Variants in CNTN5 observed in about 807,000 individuals in gnomAD.
The protein encoded by CNTN5 is contactin 5.
CNTN5 carries 77 observed loss-of-function variants against 129.1 expected under a neutral mutation model. The observed-to-expected ratio is 0.60, with a 90% confidence interval of 0.50 to 0.72. The LOEUF is 0.72. Ranked by LOEUF, CNTN5 falls within the 30% of genes least tolerant of loss-of-function variation. The probability of loss-of-function intolerance (pLI) is 0.00; values close to 1 mark genes in which losing one functional copy is unlikely to be tolerated. For missense variants in CNTN5, 1,478 were observed against 1,328.8 expected (o/e 1.11, Z -1.75); for synonymous variants, 509 against 465.6 (o/e 1.09, Z -1.20).
intron 3 of CNTN5, among the ~76,000 whole-genome samples, chr11:99,703,300 G>A (rs1411324557): frequency 6.9e-6 from 1 of 143,996 alleles, no homozygotes; most frequent in East Asian, 2.1e-4. Context: ...AAGCCATACT[G>A]ATGCAGATTA....
intron 7 of CNTN5, among the ~76,000 whole-genome samples, chr11:99,933,874 T>C (rs1420937751): frequency 1.3e-5 from 2 of 152,222 alleles, no homozygotes; most frequent in Admixed American, 6.5e-5. Context: ...GGGATTAGTA[T>C]ATAAATCTTC....
chr11:99,523,273 T>C (rs1324875341), intron 2 of CNTN5, among the ~76,000 whole-genome samples: 4 of 152,184 alleles, frequency 2.6e-5, no homozygotes, highest in Non-Finnish European at 5.9e-5. Context: ...AACATACTGG[T>C]ACAGTAAATT....
chr11:99,952,514 AAAAC>A (rs760415742), intron 7 of CNTN5, among the ~76,000 whole-genome samples: 36 of 152,286 alleles, frequency 2.4e-4, no homozygotes, highest in Admixed American at 1.1e-3. Flanking sequence ...AACTATTTAA[AAAAC>A]AAACTAAAAG....
rs1419676824 is a variant in CNTN5, at chr11:99,316,472, TCTAGGTAATGATCGCTGAGACTC to T, written c.-209-8873_-209-8851del. ...AATGACAATTTTTTTCTACAGTATATCTAGGTAATGATCGCTGAGACTCATAGAGTGATGAAAATAAACATTTA... is the reference window on the plus strand; with the variant it reads ...AATGACAATTTTTTTCTACAGTATATATAGAGTGATGAAAATAAACATTTA... On this transcript the variant is annotated intron_variant, in intron 1 of 24. Transcript: ENST00000524871. 2.2e-4 allele frequency among the ~76,000 whole-genome samples: 34 copies of T among 152,270 alleles called. No individual in the cohort carries two copies. In the East Asian group the frequency reaches 6.6e-3, roughly 29 times the overall value.
At chr11:99,600,030 G>C (rs373274796) in intron 3 of CNTN5, among the ~76,000 whole-genome samples, 1 of 152,112 alleles carries the variant, frequency 6.6e-6, no homozygotes, top group South Asian at 2.1e-4. Context: ...AGGATGAAGA[G>C]AAATGAGTTT....
rs201066323 is a variant in CNTN5 at position 99,831,983 on chromosome 11, C to T, written c.277+12218C>T. ...TTGTTGTCAACTTCCAATGGCCAAC[C>T]ACTGAGTTCCTTATCTTCAAGTTCC... On this transcript the variant is annotated intron_variant, in intron 4 of 24. Transcript: ENST00000524871. 4.6e-5 allele frequency among the ~76,000 whole-genome samples: 7 copies of T among 152,060 alleles called. No individual in the cohort carries two copies. In the East Asian group the frequency reaches 9.7e-4, roughly 21 times the overall value.
intron 9 of CNTN5, among the ~76,000 whole-genome samples, chr11:100,015,201 G>T (rs1312027150): frequency 6.6e-6 from 1 of 152,104 alleles, no homozygotes; most frequent in Non-Finnish European, 1.5e-5. Flanking sequence ...GACTAAACAT[G>T]TCTAGGCATT....
chr11:100,153,609 C>T (rs949860655), intron 13 of CNTN5, among the ~76,000 whole-genome samples: 40 of 152,070 alleles, frequency 2.6e-4, no homozygotes, highest in African/African-American at 8.9e-4. Flanking sequence ...AATCAAATGG[C>T]GTGAATACTA....
intron 13 of CNTN5, among the ~76,000 whole-genome samples, chr11:100,181,952 C>G (rs1232910173): frequency 6.6e-6 from 1 of 151,936 alleles, no homozygotes; most frequent in Admixed American, 6.6e-5. Flanking sequence ...TAGAAACTGA[C>G]AAGCTAATTC....
intron 3 of CNTN5, among the ~76,000 whole-genome samples, chr11:99,671,745 G>A (rs1323789366): frequency 1.3e-5 from 2 of 151,914 alleles, no homozygotes; most frequent in Non-Finnish European, 1.5e-5. Context: ...TACATTTTTT[G>A]AATAAAAATA....
At chr11:99,871,504 CATG>C (rs1220582119) in intron 6 of CNTN5, among the ~76,000 whole-genome samples, 1 of 151,912 alleles carries the variant, frequency 6.6e-6, no homozygotes, top group African/African-American at 2.4e-5. Flanking sequence ...TAATTTGGAT[CATG>C]ATGATAACAA....
chr11:99,136,928 A>G (rs891377834), intron 1 of CNTN5, among the ~76,000 whole-genome samples: 2 of 152,136 alleles, frequency 1.3e-5, no homozygotes, highest in African/African-American at 4.8e-5. Flanking sequence ...AACATAATTT[A>G]TGTTTAATTT....
chr11:99,071,038 C>T (rs181764872), intron 1 of CNTN5, among the ~76,000 whole-genome samples: 1 of 152,180 alleles, frequency 6.6e-6, no homozygotes, highest in African/African-American at 2.4e-5. Context: ...TGTTGCTGAC[C>T]TTGAAATACT....
chr11:100,296,886 T>C (rs1185737448), intron 18 of CNTN5, among the ~76,000 whole-genome samples: 1 of 151,584 alleles, frequency 6.6e-6, no homozygotes, highest in East Asian at 1.9e-4. Flanking sequence ...AAATTGTTAA[T>C]GCAGGCTCAT....
At chr11:100,215,326 A>C (rs958267074) in intron 15 of CNTN5, among the ~76,000 whole-genome samples, 6 of 152,200 alleles carry the variant, frequency 3.9e-5, no homozygotes, top group African/African-American at 1.4e-4. Context: ...AAAGTTACCA[A>C]GGCCAGTCCA....
At chr11:99,053,528 G>T (rs544698861) in intron 1 of CNTN5, among the ~76,000 whole-genome samples, 7 of 151,652 alleles carry the variant, frequency 4.6e-5, no homozygotes, top group South Asian at 2.1e-4. Context: ...TGGGATCCCT[G>T]GTCTATAGAT....
chr11:99,532,109 G>T (rs1490267414), intron 2 of CNTN5, among the ~76,000 whole-genome samples: 1 of 151,954 alleles, frequency 6.6e-6, no homozygotes, highest in Non-Finnish European at 1.5e-5. Flanking sequence ...AGCCAGAAGG[G>T]AGGCTATACC....
intron 3 of CNTN5, among the ~76,000 whole-genome samples, chr11:99,714,098 G>T (rs187784142): frequency 2.6e-5 from 4 of 151,900 alleles, no homozygotes; most frequent in African/African-American, 7.2e-5. Context: ...TCCATTTAAA[G>T]ATGCTACTTG....
chr11:99,517,272 A>G (rs1591200509), intron 2 of CNTN5, among the ~76,000 whole-genome samples: 1 of 152,136 alleles, frequency 6.6e-6, no homozygotes, highest in East Asian at 1.9e-4. Flanking sequence ...ACCCCTTTTT[A>G]TATTTTCTTT....
Sources: gnomAD v4.1 joint callset for allele counts (sites outside exome capture counted in the v4.1 genomes callset) on GRCh38, gnomAD v4.1.1 for gene constraint, MANE v1.5 for transcripts, NCBI Gene and HGNC (gene_info 2026-07-23, HGNC 2026-07-21) for gene names.